The following FAM13A variants were observed in gnomAD, a reference collection of about 807,000 sequenced individuals.
FAM13A encodes family with sequence similarity 13 member A, also known as protein FAM13A.
A neutral mutation model predicts 129.6 loss-of-function variants in FAM13A; 76 were observed. The observed-to-expected ratio is 0.59, with a 90% CI of 0.49 to 0.71. FAM13A has a LOEUF of 0.71. Among genes scored for constraint, FAM13A ranks in the 30% least tolerant of loss-of-function variants. The pLI is 0.00. For missense variants in FAM13A, 1,108 were observed against 1,249.3 expected, an observed-to-expected ratio of 0.89 and a Z score of 1.70; for synonymous variants, 443 against 449.9, an observed-to-expected ratio of 0.98 and a Z score of 0.20.
intron 6 of FAM13A, among the ~76,000 whole-genome samples, chr4:88,871,351 C>A (rs1741353528): frequency 6.6e-6 from 1 of 152,134 alleles, no homozygotes; most frequent in South Asian, 2.1e-4. Context: ...CTTCTTCGAG[C>A]TAAAGGAGGA....
In FAM13A at chr4:88,849,488, T is replaced by C. The variant is rs61180999; in HGVS notation, c.1007+1532A>G. Among the ~76,000 whole-genome samples, 67 of 152,352 alleles carry C rather than the reference T, an allele frequency of 4.4e-4. No homozygotes were observed. The East Asian group carries it at 0.011, about 25-fold the overall frequency. On this transcript the variant is annotated intron_variant, in intron 7 of 23. Transcript: ENST00000264344. ...TATTATCTCTGCCTGGAATGCTCTT[T>C]CCTTGATTTTTACAGACTTTCTCCC... is the stretch of plus-strand genomic sequence containing the variant.
At chr4:88,922,647 A>G (rs999474792) in intron 5 of FAM13A, among the ~76,000 whole-genome samples, 89 of 152,282 alleles carry the variant, frequency 5.8e-4, no homozygotes, top group Non-Finnish European at 8.8e-4. Context: ...AAGAACTAGA[A>G]AAGCAAGAGC....
intron 4 of FAM13A, among the ~76,000 whole-genome samples, chr4:88,945,990 G>GTGTATATATATATATATA: frequency 1.5e-3 from 90 of 61,862 alleles, no homozygotes; most frequent in African/African-American, 3.9e-3. Flanking sequence ...GTGTGTGTGT[G>GTGTATATATATATATATA]TATATATATA....
At chr4:88,898,263 C>T (rs1369720799) in intron 6 of FAM13A, among the ~76,000 whole-genome samples, 1 of 152,092 alleles carries the variant, frequency 6.6e-6, no homozygotes, top group Non-Finnish European at 1.5e-5. Flanking sequence ...AAATGTTCCT[C>T]AAATCCCATG....
chr4:88,787,451 AT>A (rs1246884229), intron 10 of FAM13A, among the ~76,000 whole-genome samples: 2 of 152,174 alleles, frequency 1.3e-5, no homozygotes, highest in African/African-American at 4.8e-5. Flanking sequence ...TTCTCTGCCC[AT>A]GGTTCAGAAT....
chr4:88,979,340 A>G (rs1445035696), intron 4 of FAM13A, among the ~76,000 whole-genome samples: 1 of 152,192 alleles, frequency 6.6e-6, no homozygotes, highest in Non-Finnish European at 1.5e-5. Flanking sequence ...AGTACATCCA[A>G]CAAAAATAAT....
chr4:88,841,246 A>T (rs1735755652), intron 7 of FAM13A, among the ~76,000 whole-genome samples: 1 of 152,202 alleles, frequency 6.6e-6, no homozygotes, highest in African/African-American at 2.4e-5. Flanking sequence ...CTGTAATCCC[A>T]GCACTTTGGG....
intron 7 of FAM13A, among the ~76,000 whole-genome samples, chr4:88,812,731 A>T (rs6814344): frequency 1.3e-5 from 2 of 151,878 alleles, no homozygotes; most frequent in African/African-American, 4.8e-5. Context: ...GGCTTGTCTC[A>T]TTTCCAGATT....
At chr4:88,935,572 C>A (rs956521321) in intron 5 of FAM13A, among the ~76,000 whole-genome samples, 2 of 152,090 alleles carry the variant, frequency 1.3e-5, no homozygotes, top group Non-Finnish European at 2.9e-5. Flanking sequence ...AGAAAGATAA[C>A]TTTTCTTTAA....
intron 5 of FAM13A, among the ~76,000 whole-genome samples, chr4:88,913,451 GGAA>G (rs144494414): frequency 0.57 from 76,038 of 133,824 alleles, 20,876 homozygotes; most frequent in Admixed American, 0.61. Flanking sequence ...AAGAGGAGGA[GGAA>G]GAAGAAGAAG....
chr4:88,952,305 T>C (rs564284692), intron 4 of FAM13A, among the ~76,000 whole-genome samples: 2 of 151,922 alleles, frequency 1.3e-5, no homozygotes, highest in African/African-American at 2.4e-5. Context: ...GCTCAGCCTG[T>C]AATGTTACTA....
chr4:88,992,378 T>C, intron 3 of FAM13A, among the ~76,000 whole-genome samples: 1 of 152,024 alleles, frequency 6.6e-6, no homozygotes, highest in South Asian at 2.1e-4. Flanking sequence ...GCGATTCTCC[T>C]GTCTCAGCCT....
intron 7 of FAM13A, among the ~76,000 whole-genome samples, chr4:88,816,991 C>T (rs1730856601): frequency 6.6e-6 from 1 of 152,138 alleles, no homozygotes; most frequent in African/African-American, 2.4e-5. Context: ...TGTCCATCAA[C>T]TGATGAATGG....
chr4:88,839,489 T>C (rs966409264), intron 7 of FAM13A, among the ~76,000 whole-genome samples: 9 of 152,180 alleles, frequency 5.9e-5, no homozygotes, highest in African/African-American at 2.2e-4. Flanking sequence ...AGGAAAAATA[T>C]GTAAATTAGG....
chr4:88,986,817 T>C (rs1006671932), intron 4 of FAM13A, among the ~76,000 whole-genome samples: 2 of 152,248 alleles, frequency 1.3e-5, no homozygotes, highest in African/African-American at 4.8e-5. Flanking sequence ...AGAAAGATTA[T>C]TATAATGTTA....
intron 4 of FAM13A, among the ~76,000 whole-genome samples, chr4:88,944,242 C>A (rs1056100595): frequency 3.3e-5 from 5 of 152,104 alleles, no homozygotes; most frequent in African/African-American, 1.2e-4. Flanking sequence ...GTTCCAGCTA[C>A]CCAGGAGGCT....
intron 6 of FAM13A, among the ~76,000 whole-genome samples, chr4:88,891,618 G>T (rs529573080): frequency 3.9e-5 from 6 of 152,038 alleles, no homozygotes; most frequent in Non-Finnish European, 7.4e-5. Flanking sequence ...GTTGAGAACT[G>T]GTTTATTCCA....
intron 7 of FAM13A, among the ~76,000 whole-genome samples, chr4:88,813,481 G>A (rs1344250487): frequency 1.3e-5 from 2 of 152,118 alleles, no homozygotes; most frequent in African/African-American, 4.8e-5. Flanking sequence ...TTTAGTCACT[G>A]AAACAAAATC....
chr4:88,823,393 T>C (rs1303850176), intron 7 of FAM13A: 9 of 918,626 alleles, frequency 9.8e-6, no homozygotes, highest in East Asian at 9.8e-5. Flanking sequence ...TCCTCCTCCT[T>C]CTCTCCTCCT....
Sources: gnomAD v4.1 joint callset for allele counts (sites outside exome capture counted in the v4.1 genomes callset) on GRCh38, gnomAD v4.1.1 for gene constraint, MANE v1.5 for transcripts, NCBI Gene and HGNC (gene_info 2026-07-23, HGNC 2026-07-21) for gene names.